The following IPCEF1 variants were observed in gnomAD, a reference collection of about 807,000 sequenced individuals.
IPCEF1 encodes the protein interaction protein for cytohesin exchange factors 1.
Under a neutral mutation model 50.9 loss-of-function variants are expected in IPCEF1, and 31 were observed. That is an observed-to-expected ratio of 0.61 (90% confidence interval 0.46 to 0.82). The LOEUF (loss-of-function observed/expected upper bound fraction) is 0.82. Ranked by LOEUF, IPCEF1 falls within the 40% of genes least tolerant of loss-of-function variation. The probability of loss-of-function intolerance (pLI) is 0.00; values close to 1 mark genes in which losing one functional copy is unlikely to be tolerated. For synonymous variants in IPCEF1, 181 were observed against 192.0 expected, an observed-to-expected ratio of 0.94 and a Z score of 0.47; for missense variants, 458 against 514.0, an observed-to-expected ratio of 0.89 and a Z score of 1.05.
intron 2 of IPCEF1, among the ~76,000 whole-genome samples, chr6:154,272,445 CAT>C (rs1284482347): frequency 6.6e-6 from 1 of 152,222 alleles, no homozygotes; most frequent in African/African-American, 2.4e-5. Flanking sequence ...TTATCTCAGT[CAT>C]ATTTAAAACA....
chr6:154,244,033 G>A (rs149854407), intron 5 of IPCEF1, among the ~76,000 whole-genome samples: 11 of 151,848 alleles, frequency 7.2e-5, no homozygotes, highest in African/African-American at 1.7e-4. Context: ...GTGTAGGGAC[G>A]GGGCTGGTTG....
intron 5 of IPCEF1, among the ~76,000 whole-genome samples, chr6:154,246,173 G>GA (rs1781025137): frequency 6.6e-6 from 1 of 152,156 alleles, no homozygotes; most frequent in Non-Finnish European, 1.5e-5. Flanking sequence ...TCTCTGAATT[G>GA]AATCAACTGA....
chr6:154,198,293 A>G (rs906025307), intron 10 of IPCEF1, among the ~76,000 whole-genome samples: 5 of 152,106 alleles, frequency 3.3e-5, no homozygotes, highest in East Asian at 3.9e-4. Flanking sequence ...AACGACAGCA[A>G]CTCACAAACC....
chr6:154,162,954 A>G (rs764274023), intron 11 of IPCEF1, among the ~76,000 whole-genome samples: 65 of 152,158 alleles, frequency 4.3e-4, no homozygotes, highest in Non-Finnish European at 6.5e-4. Context: ...TTCCTACCGT[A>G]GTCTTCCACA....
intron 1 of IPCEF1, among the ~76,000 whole-genome samples, chr6:154,316,473 A>G (rs1783221309): frequency 6.6e-6 from 1 of 152,232 alleles, no homozygotes; most frequent in South Asian, 2.1e-4. Context: ...TTGCAACAAC[A>G]TGAATAAACC....
chr6:154,249,636 G>A (rs1394245617), intron 3 of IPCEF1, among the ~76,000 whole-genome samples: 1 of 152,106 alleles, frequency 6.6e-6, no homozygotes. Flanking sequence ...CTGGAGGGCA[G>A]CGATGGGATC....
chr6:154,237,079 A>G (rs1780193938), intron 5 of IPCEF1, among the ~76,000 whole-genome samples: 1 of 152,226 alleles, frequency 6.6e-6, no homozygotes, highest in South Asian at 2.1e-4. Flanking sequence ...AGATGAGTCT[A>G]TCAATTAGCT....
intron 10 of IPCEF1, among the ~76,000 whole-genome samples, chr6:154,169,135 A>T (rs971694927): frequency 6.6e-6 from 1 of 152,082 alleles, no homozygotes; most frequent in African/African-American, 2.4e-5. Flanking sequence ...CCAAGGCAGG[A>T]GGATCGCCTG....
At position 154,199,901 on chromosome 6, in the gene IPCEF1, A is replaced by G. The variant is rs781245102; in HGVS notation, c.677T>C (p.Val226Ala). ...ATCTTCAGCAGCAGACAAACTGTTA[A>G]CTGTGTCAGGCAAGGATTGTCTCTC... ...SKERQSLPDT[V>A]NSLSAAEDEG... Residue 226 changes from valine (V) to alanine (A), a missense_variant, in exon 10 of 12, where the codon GTT becomes GCT. Coordinates refer to ENST00000367220, the MANE Select transcript of IPCEF1 (RefSeq NM_001130700.2). The G allele has an allele frequency of 1.3e-5, 21 of 1,614,092 alleles. No homozygotes were observed. In the Admixed American group the frequency reaches 3.2e-4, roughly 24 times the overall value.
intron 1 of IPCEF1, among the ~76,000 whole-genome samples, chr6:154,306,289 T>C (rs572304564): frequency 1.3e-5 from 2 of 152,328 alleles, no homozygotes; most frequent in South Asian, 4.1e-4. Flanking sequence ...TCTTTAAAAA[T>C]ATAAACTTTC....
chr6:154,196,112 C>T (rs1408310209), intron 10 of IPCEF1, among the ~76,000 whole-genome samples: 1 of 152,096 alleles, frequency 6.6e-6, no homozygotes, highest in East Asian at 1.9e-4. Context: ...ATTTTATTCA[C>T]TTTAGCACAA....
At position 154,159,981 on chromosome 6, in the gene IPCEF1, G is replaced by A. The variant is rs1798870488; in HGVS notation, c.1164C>T (p.Ala388=). ...NQLLDDPKLT[A]RKYREWKVMN... ...TGACTTTCCACTCTCTGTATTTCCT[G>A]GCTGTCAGCTTCGGGTCATCCAGCA... Residue 388 remains alanine (A), a synonymous_variant, in exon 12 of 12, where the codon GCC becomes GCT. Coordinates refer to ENST00000367220, the MANE Select transcript of IPCEF1 (RefSeq NM_001130700.2). 6.2e-7 allele frequency: 1 copy of A among 1,612,836 alleles called. No individual in the cohort carries two copies. Among genetic ancestry groups the A allele is most frequent in the Admixed American group, 1.7e-5 (1 of 59,920 alleles).
At chr6:154,292,360 C>A (rs1354697078) in intron 1 of IPCEF1, among the ~76,000 whole-genome samples, 1 of 152,162 alleles carries the variant, frequency 6.6e-6, no homozygotes, top group African/African-American at 2.4e-5. Context: ...TTAGTGATTG[C>A]CTCATATAAA....
chr6:154,350,133 C>A (rs1324711378), intron 1 of IPCEF1, among the ~76,000 whole-genome samples: 1 of 152,152 alleles, frequency 6.6e-6, no homozygotes, highest in Non-Finnish European at 1.5e-5. Context: ...AGATGAACCA[C>A]TAAAATGATC....
At chr6:154,296,281 G>A (rs879782911) in intron 1 of IPCEF1, among the ~76,000 whole-genome samples, 9 of 152,130 alleles carry the variant, frequency 5.9e-5, no homozygotes, top group African/African-American at 9.7e-5. Context: ...GGGAAGAGCT[G>A]CTATAAGAAG....
chr6:154,174,354 C>A (rs1190562215), intron 10 of IPCEF1, among the ~76,000 whole-genome samples: 1 of 152,056 alleles, frequency 6.6e-6, no homozygotes, highest in Non-Finnish European at 1.5e-5. Flanking sequence ...GGCTAAATGT[C>A]CCAATTAAAA....
At chr6:154,264,379 TA>T (rs1240411680) in intron 3 of IPCEF1, among the ~76,000 whole-genome samples, 1 of 152,222 alleles carries the variant, frequency 6.6e-6, no homozygotes, top group East Asian at 1.9e-4. Context: ...TATTTTATTT[TA>T]TTTTTTTAAT....
intron 3 of IPCEF1, among the ~76,000 whole-genome samples, chr6:154,261,883 C>T (rs1781611221): frequency 6.6e-6 from 1 of 152,118 alleles, no homozygotes. Context: ...TTGTTCAACC[C>T]ATATAACTCA....
intron 1 of IPCEF1, among the ~76,000 whole-genome samples, chr6:154,318,568 T>C (rs1171637120): frequency 1.3e-5 from 2 of 152,038 alleles, no homozygotes; most frequent in Non-Finnish European, 2.9e-5. Flanking sequence ...ATGTATTTTC[T>C]TGGCCGGGTG....
Sources: gnomAD v4.1 joint callset for allele counts (sites outside exome capture counted in the v4.1 genomes callset) on GRCh38, gnomAD v4.1.1 for gene constraint, MANE v1.5 for transcripts, NCBI Gene and HGNC (gene_info 2026-07-23, HGNC 2026-07-21) for gene names.